The following ALG12 variants were observed in gnomAD, a reference collection of about 807,000 sequenced individuals.
ALG12 encodes dol-P-Man:Man(7)GlcNAc(2)-PP-Dol alpha-1,6-mannosyltransferase.
A neutral mutation model predicts 46.0 loss-of-function variants in ALG12; 36 were observed. That is an observed-to-expected ratio of 0.78 (90% CI 0.60 to 1.03). The LOEUF (loss-of-function observed/expected upper bound fraction) is 1.03, where lower values mean the gene tolerates loss of function less well. Ranked by LOEUF, ALG12 falls within the 50% of genes least tolerant of loss-of-function variation. The pLI is 0.00. For missense variants in ALG12, 599 were observed against 633.5 expected (o/e 0.95, Z 0.58); for synonymous variants, 326 against 291.6 (o/e 1.12, Z -1.20).
At chr22:49,889,065 C>T in the ALG12 span, 1 of 167,240 alleles carries the variant, frequency 6.0e-6, no homozygotes, top group Admixed American at 6.5e-5. Flanking sequence ...GCACAACTAA[C>T]TGTAGCAGAA....
the ALG12 span, among the ~76,000 whole-genome samples, chr22:49,864,424 C>G: frequency 6.6e-6 from 1 of 152,218 alleles, no homozygotes; most frequent in Non-Finnish European, 1.5e-5. Context: ...TATGCAGGGT[C>G]TCAACTACAG....
rs775415771 is a variant in ALG12, at chr22:49,907,872, G to T, written c.841C>A (p.Leu281Met). 6.2e-7 allele frequency: 1 copy of T among 1,613,802 alleles called. No individual in the cohort carries two copies. Among genetic ancestry groups the T allele is most frequent in the Admixed American group, 1.7e-5 (1 of 59,998 alleles). ...TGCGTCCTTCTGTCTACCAAGCCCA[G>T]GGGGATGAAGAGCAGGCTGCAGCCC... Reference protein sequence around the residue: ...GLGCSLLFIPLGLVDRRTHAP... With the variant: ...GLGCSLLFIPMGLVDRRTHAP... The change falls in exon 7 of 10, where the codon CTG becomes ATG. Residue 281 changes from leucine to methionine, a missense_variant. Leu to Met is a conservative substitution (Grantham distance 15). Coordinates refer to ENST00000330817, the MANE Select transcript of ALG12 (RefSeq NM_024105.4).
downstream of ALG12, chr22:49,900,179 C>T (rs962143790): frequency 6.6e-6 from 1 of 152,112 alleles, no homozygotes; most frequent in Non-Finnish European, 1.5e-5. Flanking sequence ...CAAAACAAGC[C>T]AAAGTGCAAA....
the ALG12 span, among the ~76,000 whole-genome samples, chr22:49,866,542 C>T: frequency 4.8e-4 from 73 of 152,208 alleles, 1 homozygote; most frequent in Non-Finnish European, 7.4e-5. Context: ...AATCTCACAT[C>T]AGAATTTTTC....
chr22:49,878,458 T>C, the ALG12 span, among the ~76,000 whole-genome samples: 62 of 152,282 alleles, frequency 4.1e-4, no homozygotes, highest in East Asian at 0.012. Context: ...TCCACACATA[T>C]GCGAGCAACC....
chr22:49,909,915 G>C lies in ALG12; in HGVS notation c.643C>G (p.Pro215Ala). The change falls in exon 5 of 10, where the codon CCG (proline) becomes GCG (alanine). Residue 215 changes from proline to alanine, a missense_variant. Coordinates refer to ENST00000330817, the MANE Select transcript of ALG12 (RefSeq NM_024105.4). The part of the protein sequence containing the change: ...SVVRALRHAV[P>A]AGILCLGLTV... ...TTACCTAAACAGAGGATCCCTGCCG[G>C]GACGGCGTGGCGAAGGGCTCTGACT... is the stretch of plus-strand genomic sequence containing the variant. The C allele has an allele frequency of 6.2e-7, 1 of 1,614,140 alleles. No homozygotes were observed. Among genetic ancestry groups the C allele is most frequent in the Non-Finnish European group, 8.5e-7 (1 of 1,180,032 alleles).
the ALG12 span, chr22:49,884,833 G>A: frequency 6.2e-7 from 1 of 1,610,724 alleles, no homozygotes; most frequent in Non-Finnish European, 8.5e-7. Context: ...CTCCTCCCCT[G>A]ACAGGCTGAC....
At chr22:49,879,119 T>C in the ALG12 span, among the ~76,000 whole-genome samples, 1 of 146,304 alleles carries the variant, frequency 6.8e-6, no homozygotes, top group Non-Finnish European at 1.5e-5. Flanking sequence ...CACTCTACCC[T>C]GGCCACAGAG....
chr22:49,916,502 C>CA (rs760610830), intron 1 of ALG12, among the ~76,000 whole-genome samples: 20 of 152,094 alleles, frequency 1.3e-4, no homozygotes, highest in Admixed American at 9.8e-4. Flanking sequence ...ATTGCTTGAA[C>CA]TCGGGAGGCA....
At chr22:49,884,345 C>T in the ALG12 span, 1 of 1,613,438 alleles carries the variant, frequency 6.2e-7, no homozygotes, top group Non-Finnish European at 8.5e-7. Context: ...GAGTCTGTGT[C>T]TGTAGTTTCT....
chr22:49,918,011 C>G (rs184757311), intron 1 of ALG12, among the ~76,000 whole-genome samples: 1 of 94,908 alleles, frequency 1.1e-5, no homozygotes, highest in Non-Finnish European at 2.2e-5. Context: ...GTCGGGCCCC[C>G]GGATGAGAGG....
chr22:49,901,895 T>TGTGTG lies in ALG12; in HGVS notation c.*1938_*1942dup, dbSNP rs2060510186. On this transcript the variant is annotated 3_prime_UTR_variant, in exon 10 of 10. Coordinates refer to ENST00000330817, the MANE Select transcript of ALG12 (RefSeq NM_024105.4). ...ATTCATGGTGTGTGCACGTGTGCAC[T>TGTGTG]GTGTGTATGCATGGTAATGTGCACG... 8.6e-6 allele frequency: 1 copy of TGTGTG among 115,912 alleles called. No homozygotes were observed. The highest frequency in any genetic ancestry group is 3.0e-5 in the African/African-American group (1 of 33,792). The allele number at this position is 115,912 out of a possible 1,614,324, so 7.2% of individuals were successfully genotyped here. A position where few individuals can be genotyped will look rare whatever the true frequency, so the allele number is the denominator to read the frequency against.
At chr22:49,883,120 ATTT>A in the ALG12 span, among the ~76,000 whole-genome samples, 6 of 151,536 alleles carry the variant, frequency 4.0e-5, no homozygotes, top group Non-Finnish European at 7.4e-5. Context: ...GGCCACTTGC[ATTT>A]TTTTTCATGT....
chr22:49,883,933 A>C, the ALG12 span: 1 of 1,613,360 alleles, frequency 6.2e-7, no homozygotes, highest in Non-Finnish European at 8.5e-7. Flanking sequence ...CTCCCAGTAC[A>C]GCAGCACCCT....
At chr22:49,910,133 C>A in intron 4 of ALG12, 45 bp from the exon 5 acceptor site, 2 of 1,552,582 alleles carry the variant, frequency 1.3e-6, no homozygotes, top group Non-Finnish European at 1.7e-6. Context: ...ACAGGGCCCA[C>A]CCGGCCCAGA....
chr22:49,890,480 G>A, the ALG12 span, among the ~76,000 whole-genome samples: 4 of 152,040 alleles, frequency 2.6e-5, no homozygotes, highest in Non-Finnish European at 4.4e-5. Context: ...CATTATTAAC[G>A]GAAGAAAAAA....
rs193230365 is a variant in ALG12, at chr22:49,906,775, G to A, written c.992+946C>T. Among the ~76,000 whole-genome samples the A allele has an allele frequency of 6.6e-6, 1 of 152,310 alleles. No individual in the cohort carries two copies. Among genetic ancestry groups the A allele is most frequent in the Non-Finnish European group, 1.5e-5 (1 of 68,018 alleles). On this transcript the variant is annotated intron_variant, in intron 7 of 9. Transcript: ENST00000330817. This position sits in a 1 kb window ranked among gnomAD's most constrained non-coding sequence, Gnocchi z 4.4. ...GCAAACTCTGAACGGGCACAGAGCTGGCCAGCCTCAGCCCTGGGTTCTTCC... is the reference window on the plus strand; with the variant it reads ...GCAAACTCTGAACGGGCACAGAGCTAGCCAGCCTCAGCCCTGGGTTCTTCC...
chr22:49,874,376 TG>T, the ALG12 span, among the ~76,000 whole-genome samples: 1 of 151,740 alleles, frequency 6.6e-6, no homozygotes, highest in African/African-American at 2.4e-5. Context: ...CTTTTGCTAA[TG>T]TATTGTTTTA....
chr22:49,906,968 C>T lies in ALG12; in HGVS notation c.992+753G>A, dbSNP rs2060545626. Reference sequence around the variant, plus strand: ...CCCCACCCTCAGCCCAGGCAGTGCCCTCCCCAGGCCCTGCCAGGCCCCCAG... The same window carrying T: ...CCCCACCCTCAGCCCAGGCAGTGCCTTCCCCAGGCCCTGCCAGGCCCCCAG... On this transcript the variant is annotated intron_variant, in intron 7 of 9. Transcript: ENST00000330817. The surrounding 1 kb of genome is among the most constrained non-coding windows in gnomAD (Gnocchi z 4.4). Among the ~76,000 whole-genome samples, 1 of 152,068 alleles carries T rather than the reference C, an allele frequency of 6.6e-6. No individual in the cohort carries two copies. The highest frequency in any genetic ancestry group is 6.5e-5 in the Admixed American group (1 of 15,278).
Sources: allele counts gnomAD v4.1 joint callset (sites outside exome capture counted in the v4.1 genomes callset), GRCh38; gene constraint gnomAD v4.1.1; non-coding constraint Gnocchi (gnomAD v3.1); transcripts MANE v1.5; gene names NCBI Gene and HGNC (gene_info 2026-07-23, HGNC 2026-07-21).